The following ARMC9 variants were observed in gnomAD, a reference collection of about 807,000 sequenced individuals.
ARMC9 encodes the protein lisH domain-containing protein ARMC9.
Under a neutral mutation model 107.0 loss-of-function variants are expected in ARMC9, and 94 were observed. That is an observed-to-expected ratio of 0.88 (90% confidence interval 0.74 to 1.04). The LOEUF (loss-of-function observed/expected upper bound fraction) is 1.04, where lower values mean the gene tolerates loss of function less well. Among genes scored for constraint, ARMC9 ranks in the 50% least tolerant of loss-of-function variants. The pLI is 0.00. For missense variants in ARMC9, 942 were observed against 1,030.1 expected, an observed-to-expected ratio of 0.91 and a Z score of 1.17; for synonymous variants, 380 against 396.9, an observed-to-expected ratio of 0.96 and a Z score of 0.51.
rs553022672 is a variant in ARMC9 at position 231,206,919 on chromosome 2, G to A, written c.51+630G>A. On this transcript the variant is annotated intron_variant, in intron 2 of 24. Transcript: ENST00000611582. ...TGCAGGTTGCGAGAGCCACGGGCCT[G>A]GAGCAGGGATGAGGCACCCACCGTG... is the stretch of plus-strand genomic sequence containing the variant. Among the ~76,000 whole-genome samples, 5 of 152,348 alleles carry A rather than the reference G, an allele frequency of 3.3e-5. No individual in the cohort carries two copies. In the South Asian group the frequency reaches 1.0e-3, roughly 32 times the overall value.
At chr2:231,295,892 T>C in intron 18 of ARMC9, 1 of 227,802 alleles carries the variant, frequency 4.4e-6, no homozygotes. Context: ...TCTAGCATGA[T>C]GCCTTGAAAT....
chr2:231,369,923 T>C, intron 23 of ARMC9, 30 bp from the exon 24 acceptor site: 1 of 1,456,562 alleles, frequency 6.9e-7, no homozygotes, highest in Non-Finnish European at 9.1e-7. Flanking sequence ...CTGTAGTAGC[T>C]GGGACTCCAG....
chr2:231,213,399 C>T (rs1476107017), intron 3 of ARMC9, among the ~76,000 whole-genome samples: 1 of 151,340 alleles, frequency 6.6e-6, no homozygotes, highest in Non-Finnish European at 1.5e-5. Context: ...CCTGGGCAAA[C>T]GATCTGCCCA....
chr2:231,271,636 A>G (rs1222786383), intron 13 of ARMC9, among the ~76,000 whole-genome samples: 1 of 152,262 alleles, frequency 6.6e-6, no homozygotes, highest in African/African-American at 2.4e-5. Context: ...GGAGTTTTCA[A>G]ATTATGAATA....
At position 231,375,924 on chromosome 2, in the gene ARMC9, A is replaced by G. The variant is rs917932995; in HGVS notation, c.*4389A>G. Among the ~76,000 whole-genome samples the G allele has an allele frequency of 6.6e-6, 1 of 152,184 alleles. No homozygotes were observed. The highest frequency in any genetic ancestry group is 1.5e-5 in the Non-Finnish European group (1 of 68,028). The stretch of plus-strand genomic sequence containing the variant: ...GACTGGCTGAAGCCATGACAGAAGA[A>G]CGTGGATTGTGATGATTTCATGGAC... On this transcript the variant is annotated 3_prime_UTR_variant, in exon 25 of 25. Coordinates refer to ENST00000611582, the MANE Select transcript of ARMC9 (RefSeq NM_001352754.2). This position sits in a 1 kb window ranked among gnomAD's most constrained non-coding sequence, Gnocchi z 4.3.
chr2:231,289,668 G>A (rs2040854740), intron 17 of ARMC9, among the ~76,000 whole-genome samples: 2 of 152,116 alleles, frequency 1.3e-5, no homozygotes, highest in African/African-American at 4.8e-5. Context: ...TCTCTGGTAC[G>A]ACAAGCCTGG....
intron 22 of ARMC9, among the ~76,000 whole-genome samples, chr2:231,359,376 C>T (rs1000168574): frequency 5.3e-5 from 8 of 151,922 alleles, no homozygotes; most frequent in Non-Finnish European, 1.0e-4. Context: ...CGTGAGCCAC[C>T]GTGCTCAGCT....
At chr2:231,242,838 C>T (rs1192938928) in intron 9 of ARMC9, among the ~76,000 whole-genome samples, 1 of 152,188 alleles carries the variant, frequency 6.6e-6, no homozygotes, top group Non-Finnish European at 1.5e-5. Context: ...GTTGGTCAGG[C>T]ATGGTGGCGC....
intron 20 of ARMC9, among the ~76,000 whole-genome samples, chr2:231,332,221 G>A (rs773371923): frequency 4.6e-5 from 7 of 152,182 alleles, no homozygotes; most frequent in Non-Finnish European, 1.0e-4. Flanking sequence ...CATGCCTTAT[G>A]TATTGGAAGG....
intron 9 of ARMC9, 78 bp downstream of exon 9, chr2:231,240,119 A>G: frequency 8.2e-7 from 1 of 1,223,746 alleles, no homozygotes; most frequent in South Asian, 1.3e-5. Flanking sequence ...TAAAAATAGC[A>G]TGAAAAAATA....
intron 19 of ARMC9, among the ~76,000 whole-genome samples, chr2:231,304,648 C>T (rs1209473033): frequency 6.6e-6 from 1 of 152,198 alleles, no homozygotes; most frequent in Non-Finnish European, 1.5e-5. Flanking sequence ...CTGCCCACCT[C>T]GTCCTCCCAA....
chr2:231,329,394 T>G (rs2043565249), intron 19 of ARMC9, among the ~76,000 whole-genome samples: 1 of 152,078 alleles, frequency 6.6e-6, no homozygotes, highest in African/African-American at 2.4e-5. Flanking sequence ...CACTTCAACC[T>G]CCGCCTCCTG....
intron 3 of ARMC9, among the ~76,000 whole-genome samples, chr2:231,210,591 T>C (rs2032686881): frequency 6.6e-6 from 1 of 152,230 alleles, no homozygotes; most frequent in African/African-American, 2.4e-5. Context: ...GACCAGATGA[T>C]GTGATGATAC....
At chr2:231,199,593 A>C (rs1372341516) in intron 1 of ARMC9, among the ~76,000 whole-genome samples, 2 of 152,244 alleles carry the variant, frequency 1.3e-5, no homozygotes, top group East Asian at 1.9e-4. Context: ...TTTACTATGA[A>C]GGTTAAATGT....
chr2:231,241,348 T>C (rs774490656), intron 9 of ARMC9, among the ~76,000 whole-genome samples: 81 of 152,162 alleles, frequency 5.3e-4, no homozygotes, highest in Non-Finnish European at 1.1e-3. Flanking sequence ...TGAAGGCCCA[T>C]GGTTTTGAGG....
chr2:231,243,271 G>T (rs2036464840), intron 9 of ARMC9, among the ~76,000 whole-genome samples: 1 of 151,482 alleles, frequency 6.6e-6, no homozygotes, highest in Non-Finnish European at 1.5e-5. Context: ...AAATTAGTTG[G>T]GCTTGGTGGT....
intron 12 of ARMC9, among the ~76,000 whole-genome samples, chr2:231,270,190 G>C (rs1012187865): frequency 1.3e-5 from 2 of 152,154 alleles, no homozygotes; most frequent in Admixed American, 1.3e-4. Context: ...GTGGCCCTCT[G>C]TTCCACATTC....
intron 3 of ARMC9, among the ~76,000 whole-genome samples, chr2:231,211,552 T>TCAC (rs2032867172): frequency 6.6e-6 from 1 of 151,820 alleles, no homozygotes. Context: ...AAAATAGTGC[T>TCAC]GCAGTGAACG....
In ARMC9 at chr2:231,331,869, A is replaced by G; in HGVS notation, c.1850A>G (p.Glu617Gly). 6.2e-7 allele frequency: 1 copy of G among 1,613,868 alleles called. No homozygotes were observed. Among genetic ancestry groups the G allele is most frequent in the South Asian group, 1.1e-5 (1 of 91,032 alleles). ...IQPQLGELSG[E>G]KLLTTEYLGI... Reference sequence around the variant, plus strand: ...CCCCAGCTCGGAGAACTCTCAGGAGAGAAGCTTCTGACCACGGAGTACCTG... The same window carrying G: ...CCCCAGCTCGGAGAACTCTCAGGAGGGAAGCTTCTGACCACGGAGTACCTG... The change falls in exon 20 of 25, where the codon GAG becomes GGG. Residue 617 changes from glutamate to glycine, a missense_variant. Transcript: ENST00000611582.
Sources: gnomAD v4.1 joint callset for allele counts (sites outside exome capture counted in the v4.1 genomes callset) on GRCh38, gnomAD v4.1.1 for gene constraint, Gnocchi (gnomAD v3.1) non-coding constraint, MANE v1.5 for transcripts, NCBI Gene and HGNC (gene_info 2026-07-23, HGNC 2026-07-21) for gene names.